Variants in GRM8 observed in about 807,000 individuals in gnomAD.
The protein encoded by GRM8 is glutamate metabotropic receptor 8.
GRM8 carries 47 observed loss-of-function variants against 87.2 expected under a neutral mutation model. That is an observed-to-expected ratio of 0.54 (90% CI 0.43 to 0.69). The LOEUF (loss-of-function observed/expected upper bound fraction) is 0.69, where lower values mean the gene tolerates loss of function less well. Among genes scored for constraint, GRM8 ranks in the 30% least tolerant of loss-of-function variants. The pLI is 0.00. For synonymous variants in GRM8, 396 were observed against 404.5 expected, an observed-to-expected ratio of 0.98 and a Z score of 0.25; for missense variants, 1,019 against 1,139.2, an observed-to-expected ratio of 0.89 and a Z score of 1.52.
chr7:126,821,401 C>T (rs574022762), intron 6 of GRM8, among the ~76,000 whole-genome samples: 6 of 152,274 alleles, frequency 3.9e-5, no homozygotes, highest in African/African-American at 1.2e-4. Flanking sequence ...TCATGTTTGG[C>T]CCCTGTCATG....
chr7:127,148,348 G>GAAAT (rs755127414), intron 2 of GRM8, among the ~76,000 whole-genome samples: 41 of 151,340 alleles, frequency 2.7e-4, no homozygotes, highest in Non-Finnish European at 5.0e-4. Context: ...TGGACACGGG[G>GAAAT]AAATAGATAG....
chr7:126,626,032 C>T (rs1234890797), intron 7 of GRM8, among the ~76,000 whole-genome samples: 1 of 151,310 alleles, frequency 6.6e-6, no homozygotes. Context: ...TATATGACTT[C>T]CATTATAAAA....
chr7:126,490,111 G>C (rs941996041), intron 9 of GRM8, among the ~76,000 whole-genome samples: 1 of 152,068 alleles, frequency 6.6e-6, no homozygotes, highest in Admixed American at 6.6e-5. Flanking sequence ...TTCCATAACT[G>C]CATATGCAAA....
At chr7:127,064,776 T>C (rs974275423) in intron 3 of GRM8, among the ~76,000 whole-genome samples, 2 of 152,094 alleles carry the variant, frequency 1.3e-5, no homozygotes, top group African/African-American at 4.8e-5. Flanking sequence ...AAGCTCAATA[T>C]CACCGATCAT....
chr7:126,979,444 A>G (rs1170171668), intron 3 of GRM8, among the ~76,000 whole-genome samples: 1 of 152,212 alleles, frequency 6.6e-6, no homozygotes, highest in African/African-American at 2.4e-5. Flanking sequence ...TGCTATACTT[A>G]CAGTATTGAA....
chr7:126,944,721 T>G (rs2131560352), intron 3 of GRM8, among the ~76,000 whole-genome samples: 1 of 152,264 alleles, frequency 6.6e-6, no homozygotes, highest in Admixed American at 6.5e-5. Context: ...AATAAGTGAA[T>G]GTAGGTAAGA....
rs1562929239 is a variant in GRM8, at chr7:126,533,211, T to A, written c.2171A>T (p.Asp724Val). Residue 724 changes from aspartate (D) to valine (V), a missense_variant, in exon 9 of 11, where the codon GAC becomes GTC. Physicochemically the swap from Asp to Val is radical, Grantham distance 152 (BLOSUM62 -3). Coordinates refer to ENST00000339582, the MANE Select transcript of GRM8 (RefSeq NM_000845.3). ...ATCTAGTGTCCGCTGCTCTCCATAG[T>A]CAATGATGATGTGGGGGGGATCCAC... ...FVVDPPHIIIDYGEQRTLDPE... is the reference protein window; with the variant it reads ...FVVDPPHIIIVYGEQRTLDPE... 2 of 1,612,936 alleles carry A rather than the reference T, an allele frequency of 1.2e-6. No homozygotes were observed. Among genetic ancestry groups the A allele is most frequent in the African/African-American group, 2.7e-5 (2 of 74,724 alleles).
At chr7:126,861,505 C>T (rs900866250) in intron 6 of GRM8, among the ~76,000 whole-genome samples, 2 of 151,962 alleles carry the variant, frequency 1.3e-5, no homozygotes, top group African/African-American at 4.8e-5. Flanking sequence ...TTTATTCTCC[C>T]ACCACTAGTA....
At chr7:126,821,268 C>G (rs1794273237) in intron 6 of GRM8, among the ~76,000 whole-genome samples, 1 of 152,156 alleles carries the variant, frequency 6.6e-6, no homozygotes, top group Non-Finnish European at 1.5e-5. Context: ...TTCTCTTCAT[C>G]TAATGCACCC....
chr7:126,848,225 T>C (rs893950845), intron 6 of GRM8, among the ~76,000 whole-genome samples: 1 of 152,142 alleles, frequency 6.6e-6, no homozygotes, highest in African/African-American at 2.4e-5. Flanking sequence ...TCAGTTGTTC[T>C]TGTGGAATGT....
chr7:127,229,746 C>T (rs1162833677), intron 2 of GRM8: 1 of 152,088 alleles, frequency 6.6e-6, no homozygotes, highest in Non-Finnish European at 1.5e-5. Context: ...ATTGTCAAAT[C>T]TCAAATTTTT....
intron 7 of GRM8, among the ~76,000 whole-genome samples, chr7:126,666,421 T>G (rs1360245120): frequency 2.6e-5 from 4 of 152,164 alleles, no homozygotes; most frequent in Non-Finnish European, 4.4e-5. Context: ...AGAAACTTAT[T>G]TTTCCAAAGA....
chr7:127,160,527 ACG>A lies in GRM8; in HGVS notation c.511-53817_511-53816del, dbSNP rs35464826. Among the ~76,000 whole-genome samples the A allele has an allele frequency of 3.3e-4, 49 of 149,768 alleles. 1 individual carries two copies. Among genetic ancestry groups the A allele is most frequent in the African/African-American group, 1.1e-3 (44 of 40,052 alleles). On this transcript the variant is annotated intron_variant, in intron 2 of 10. Transcript: ENST00000339582. ...TGTAAGGGTGTAAGGAGGCTCCATC[ACG>A]CGCGCGCACACACACACACACACAC... is the stretch of plus-strand genomic sequence containing the variant.
chr7:126,633,444 C>T (rs1801543134), intron 7 of GRM8, among the ~76,000 whole-genome samples: 2 of 152,102 alleles, frequency 1.3e-5, no homozygotes, highest in Non-Finnish European at 2.9e-5. Context: ...AGCATCAATG[C>T]TCCTGAAGAT....
chr7:126,634,915 C>G (rs1458344190), intron 7 of GRM8, among the ~76,000 whole-genome samples: 1 of 152,074 alleles, frequency 6.6e-6, no homozygotes, highest in East Asian at 1.9e-4. Flanking sequence ...GACTAGACAA[C>G]CATCCAAAGA....
intron 7 of GRM8, among the ~76,000 whole-genome samples, chr7:126,727,313 T>G (rs1813104711): frequency 6.6e-6 from 1 of 152,040 alleles, no homozygotes. Flanking sequence ...ATTCATATAT[T>G]AATACATGAA....
chr7:126,710,305 CATTG>C (rs1239558146), intron 7 of GRM8, among the ~76,000 whole-genome samples: 2 of 152,040 alleles, frequency 1.3e-5, no homozygotes, highest in Non-Finnish European at 2.9e-5. Flanking sequence ...TAAAGTACGG[CATTG>C]ATTGACATAT....
intron 9 of GRM8, among the ~76,000 whole-genome samples, chr7:126,491,935 G>A (rs1808067901): frequency 6.6e-6 from 1 of 151,964 alleles, no homozygotes; most frequent in South Asian, 2.1e-4. Context: ...TATCTAAATA[G>A]GAAAGTGGAC....
Position 127,243,109 on chromosome 7 carries a change from G to C in GRM8, c.96C>G (p.His32Gln), listed in dbSNP as rs139046504. ...GTATGGAATGGGCATACTCCTGGCTGTGAGTTCTTTGCATCATTGTGAGGA... is the reference window on the plus strand; with the variant it reads ...GTATGGAATGGGCATACTCCTGGCTCTGAGTTCTTTGCATCATTGTGAGGA... The part of the protein sequence containing the change: ...YWILTMMQRT[H>Q]SQEYAHSIRV... Residue 32 changes from histidine to glutamine, a missense_variant, in exon 2 of 11, where the codon CAC becomes CAG. By Grantham distance (24) the His-to-Gln change is conservative. Coordinates refer to ENST00000339582, the MANE Select transcript of GRM8 (RefSeq NM_000845.3). 6.0e-4 allele frequency: 961 copies of C among 1,614,028 alleles called. 9 individuals carry two copies. In the African/African-American group the frequency reaches 0.011, roughly 19 times the overall value.
Sources: allele counts gnomAD v4.1 joint callset (sites outside exome capture counted in the v4.1 genomes callset), GRCh38; gene constraint gnomAD v4.1.1; transcripts MANE v1.5; gene names NCBI Gene and HGNC (gene_info 2026-07-23, HGNC 2026-07-21).